KIF9: variants seen among roughly 807,000 people sequenced by gnomAD.
KIF9 encodes kinesin family member 9, also known as kinesin-like protein KIF9.
KIF9 carries 68 observed loss-of-function variants against 94.8 expected under a neutral mutation model. That is an observed-to-expected ratio of 0.72 (90% CI 0.59 to 0.88). The LOEUF is 0.88. Among genes scored for constraint, KIF9 ranks in the 40% least tolerant of loss-of-function variants. The pLI is 0.00. For synonymous variants in KIF9, 343 were observed against 362.1 expected, an observed-to-expected ratio of 0.95 and a Z score of 0.60; for missense variants, 882 against 982.5, an observed-to-expected ratio of 0.90 and a Z score of 1.37.
At chr3:47,241,878 ATATATAT>A (rs1464701215) in intron 16 of KIF9, among the ~76,000 whole-genome samples, 1 of 103,352 alleles carries the variant, frequency 9.7e-6, no homozygotes, top group African/African-American at 4.0e-5. Flanking sequence ...ATATATATAT[ATATATAT>A]TTTTTTTTTT....
intron 10 of KIF9, among the ~76,000 whole-genome samples, chr3:47,254,469 G>A (rs984908984): frequency 2.6e-5 from 4 of 151,868 alleles, no homozygotes; most frequent in African/African-American, 9.7e-5. Context: ...AAATTAGCTG[G>A]GCATGGTAGC....
At chr3:47,279,054 G>A (rs1413484894) in intron 1 of KIF9, among the ~76,000 whole-genome samples, 1 of 151,624 alleles carries the variant, frequency 6.6e-6, no homozygotes, top group Non-Finnish European at 1.5e-5. Context: ...CAGCTACTCA[G>A]GAGGCTGAGG....
intron 10 of KIF9, 126 bp downstream of exon 10, chr3:47,257,357 G>A (rs1423997718): frequency 1.3e-5 from 11 of 817,762 alleles, no homozygotes; most frequent in Middle Eastern, 3.5e-4. Flanking sequence ...AGTGGAAAAG[G>A]GCTGACCCAG....
chr3:47,278,208 A>G (rs949381366), intron 1 of KIF9, among the ~76,000 whole-genome samples: 2 of 151,906 alleles, frequency 1.3e-5, no homozygotes, highest in African/African-American at 2.4e-5. Context: ...AGTAGCTGGG[A>G]CTACAGGTGC....
chr3:47,281,635 A>ACGGCGCC (rs1293221981), intron 1 of KIF9, among the ~76,000 whole-genome samples: 7 of 152,190 alleles, frequency 4.6e-5, no homozygotes, highest in Non-Finnish European at 7.3e-5. Flanking sequence ...GGCGTGAGCC[A>ACGGCGCC]CGGCGCCCGG....
In KIF9 at chr3:47,275,502, G is replaced by C; in HGVS notation, c.94-12C>G. On this transcript the variant is annotated splice_polypyrimidine_tract_variant and intron_variant, in intron 2 of 20. Transcript: ENST00000684063. ...TGAATATCAATGCTCTAGGAAAAAAGAGTGAGAAAGAAAAAAATGTTATTT... is the reference window on the plus strand; with the variant it reads ...TGAATATCAATGCTCTAGGAAAAAACAGTGAGAAAGAAAAAAATGTTATTT... 6.3e-7 allele frequency: 1 copy of C among 1,581,738 alleles called. No individual in the cohort carries two copies. The highest frequency in any genetic ancestry group is 8.6e-7 in the Non-Finnish European group (1 of 1,164,498).
Position 47,277,333 on chromosome 3 carries a change from T to A in KIF9, c.42A>T (p.Lys14Asn), listed in dbSNP as rs1440027290. 1.2e-6 allele frequency: 2 copies of A among 1,613,946 alleles called. No individual in the cohort carries two copies. The highest frequency in any genetic ancestry group is 2.7e-5 in the African/African-American group (2 of 74,914). The change falls in exon 2 of 21, where the codon AAA becomes AAT. Residue 14 changes from lysine to asparagine, a missense_variant. Physicochemically the swap from Lys to Asn is moderately conservative, Grantham distance 94 (BLOSUM62 0). Coordinates refer to ENST00000684063, the MANE Select transcript of KIF9 (RefSeq NM_182902.4). ...RKKVHAFVRV[K>N]PTDDFAHEMI... is the part of the protein sequence containing the mutation. ...TTTCATGAGCAAAGTCATCGGTGGGTTTGACACGGACAAATGCATGAACTT... is the reference window on the plus strand; with the variant it reads ...TTTCATGAGCAAAGTCATCGGTGGGATTGACACGGACAAATGCATGAACTT...
At chr3:47,276,730 T>C (rs2107520643) in intron 2 of KIF9, among the ~76,000 whole-genome samples, 1 of 152,352 alleles carries the variant, frequency 6.6e-6, no homozygotes, top group African/African-American at 2.4e-5. Context: ...AGTTTGCCCT[T>C]GAATTTTTCC....
rs1358620917 is a variant in KIF9 at position 47,240,806 on chromosome 3, T to G, written c.1919A>C (p.Lys640Thr). ...CCTCTTTCCAACACATTTACCTTGC[T>G]TCTCCCGTAGTGACTTCTGGAAATT... ...ALNFQKSLRE[K>T]QGKYENKGLM... The change falls in exon 17 of 21, where the codon AAG (lysine) becomes ACG (threonine). Residue 640 changes from lysine to threonine, a missense_variant. Physicochemically the swap from Lys to Thr is moderately conservative, Grantham distance 78. Coordinates refer to ENST00000684063, the MANE Select transcript of KIF9 (RefSeq NM_182902.4). 2.5e-6 allele frequency: 4 copies of G among 1,613,542 alleles called. No homozygotes were observed. The African/African-American group carries it at 5.3e-5, about 22-fold the overall frequency.
At chr3:47,234,775 T>C (rs1276059435) in intron 20 of KIF9, among the ~76,000 whole-genome samples, 5 of 141,088 alleles carry the variant, frequency 3.5e-5, no homozygotes, top group African/African-American at 8.0e-5. Flanking sequence ...AGGCTGGTCT[T>C]GAACTCCTGA....
chr3:47,261,438 G>A lies in KIF9; in HGVS notation c.981+2848C>T, dbSNP rs77304724. ...AGATGCCATGCCTCATTGCTTGGAT[G>A]TTAGCTGAGGGGTGGAGAGCTCCTC... On this transcript the variant is annotated intron_variant, in intron 9 of 20. Coordinates refer to ENST00000684063, the MANE Select transcript of KIF9 (RefSeq NM_182902.4). Among the ~76,000 whole-genome samples, 1,512 of 152,284 alleles carry A rather than the reference G, an allele frequency of 9.9e-3. 29 individuals carry two copies. Among genetic ancestry groups the A allele is most frequent in the African/African-American group, 0.035 (1,457 of 41,538 alleles).
chr3:47,278,448 T>C (rs1329941487), intron 1 of KIF9, among the ~76,000 whole-genome samples: 2 of 152,302 alleles, frequency 1.3e-5, no homozygotes, highest in East Asian at 3.9e-4. Context: ...TTGTCTAGGC[T>C]AGCCTTTAAC....
chr3:47,273,499 A>G, intron 4 of KIF9, 53 bp downstream of exon 4: 3 of 1,403,566 alleles, frequency 2.1e-6, no homozygotes, highest in Non-Finnish European at 2.0e-6. Flanking sequence ...AGTAACATCT[A>G]TGGCAGAGAG....
chr3:47,241,496 A>G (rs903337565), intron 16 of KIF9, among the ~76,000 whole-genome samples: 1 of 150,806 alleles, frequency 6.6e-6, no homozygotes, highest in African/African-American at 2.4e-5. Context: ...TAATTTTTTT[A>G]TTTTTAGTAG....
chr3:47,233,574 T>C (rs933159523), intron 20 of KIF9, among the ~76,000 whole-genome samples: 4 of 149,922 alleles, frequency 2.7e-5, no homozygotes, highest in South Asian at 4.3e-4. Context: ...TGTATGCCTA[T>C]AGTCCCAGCT....
chr3:47,257,350 G>A, intron 10 of KIF9, 133 bp downstream of exon 10: 1 of 778,642 alleles, frequency 1.3e-6, no homozygotes, highest in Non-Finnish European at 2.2e-6. Flanking sequence ...GTCCAGGAGT[G>A]GAAAAGGGCT....
intron 1 of KIF9, among the ~76,000 whole-genome samples, chr3:47,281,596 C>A (rs180948225): frequency 6.6e-6 from 1 of 152,308 alleles, no homozygotes; most frequent in East Asian, 1.9e-4. Flanking sequence ...AATCCGCTCA[C>A]CTCAGCCTCC....
At chr3:47,234,358 C>A (rs936744225) in intron 20 of KIF9, among the ~76,000 whole-genome samples, 38 of 151,452 alleles carry the variant, frequency 2.5e-4, no homozygotes, top group Admixed American at 2.2e-3. Context: ...CTCAGCCTCC[C>A]GAGTGGCTGG....
At chr3:47,239,891 C>T in intron 17 of KIF9, 1 of 1,367,912 alleles carries the variant, frequency 7.3e-7, no homozygotes, top group South Asian at 1.1e-5. Flanking sequence ...CGAGGGAAAG[C>T]CCAGTAACCT....
Sources: allele counts gnomAD v4.1 joint callset (sites outside exome capture counted in the v4.1 genomes callset), GRCh38; gene constraint gnomAD v4.1.1; transcripts MANE v1.5; gene names NCBI Gene and HGNC (gene_info 2026-07-23, HGNC 2026-07-21).